Variants in NHSL1 observed in about 807,000 individuals in gnomAD.
NHSL1 encodes the protein NHS-like protein 1.
Under a neutral mutation model 95.0 loss-of-function variants are expected in NHSL1, and 48 were observed. The ratio of observed to expected loss-of-function variants is 0.51; its 90% CI spans 0.40 to 0.64. The LOEUF (loss-of-function observed/expected upper bound fraction) is 0.64. Among genes scored for constraint, NHSL1 ranks in the 30% least tolerant of loss-of-function variants. NHSL1 has a pLI of 0.00. For synonymous variants in NHSL1, 783 were observed against 833.9 expected, an observed-to-expected ratio of 0.94 and a Z score of 1.05; for missense variants, 1,971 against 2,077.7, an observed-to-expected ratio of 0.95 and a Z score of 1.00.
chr6:138,424,468 C>G lies in NHSL1; in HGVS notation c.4434G>C (p.Glu1478Asp). The change falls in exon 8 of 8, where the codon GAG becomes GAC. Residue 1478 changes from glutamate (E) to aspartate (D), a missense_variant. Glu to Asp is a conservative substitution (Grantham distance 45). Transcript: ENST00000343505. The surrounding 1 kb of genome is among the most constrained non-coding windows in gnomAD (Gnocchi z 5.9). Reference sequence around the variant, plus strand: ...GCATCAAGCCTTCGTTCTTGGCCCACTCCTCCTGCGCCCTTCTGTTCTTGC... The same window carrying G: ...GCATCAAGCCTTCGTTCTTGGCCCAGTCCTCCTGCGCCCTTCTGTTCTTGC... ...SPSKNRRAQE[E>D]WAKNEGLMPR... The G allele has an allele frequency of 6.4e-7, 1 of 1,551,348 alleles. No homozygotes were observed. Among genetic ancestry groups the G allele is most frequent in the South Asian group, 1.2e-5 (1 of 84,052 alleles).
intron 5 of NHSL1, among the ~76,000 whole-genome samples, chr6:138,440,083 T>A (rs1162898582): frequency 6.6e-6 from 1 of 152,150 alleles, no homozygotes; most frequent in East Asian, 1.9e-4. Context: ...TGTATGTGCA[T>A]CTTTACTTGG....
intron 1 of NHSL1, among the ~76,000 whole-genome samples, chr6:138,510,252 C>T (rs192804423): frequency 2.1e-4 from 32 of 152,256 alleles, no homozygotes; most frequent in African/African-American, 7.7e-4. Flanking sequence ...AAGATGAATG[C>T]TACAATTAAT....
intron 1 of NHSL1, among the ~76,000 whole-genome samples, chr6:138,530,770 G>C (rs1388313565): frequency 6.6e-6 from 1 of 152,096 alleles, no homozygotes; most frequent in Non-Finnish European, 1.5e-5. Context: ...AGGATGCAAA[G>C]GCATTAAAAT....
intron 1 of NHSL1, among the ~76,000 whole-genome samples, chr6:138,683,302 C>G (rs1301021639): frequency 6.6e-6 from 1 of 152,178 alleles, no homozygotes; most frequent in Non-Finnish European, 1.5e-5. Flanking sequence ...CTCATGTAGC[C>G]GTGGTCAGCT....
At chr6:138,672,030 A>G (rs1211732195) in intron 1 of NHSL1, among the ~76,000 whole-genome samples, 1 of 152,222 alleles carries the variant, frequency 6.6e-6, no homozygotes, top group Non-Finnish European at 1.5e-5. Flanking sequence ...AAAAAACCAC[A>G]AAAGAGCAAA....
At chr6:138,446,627 T>C (rs1776880936) in intron 4 of NHSL1, among the ~76,000 whole-genome samples, 2 of 152,176 alleles carry the variant, frequency 1.3e-5, no homozygotes, top group African/African-American at 2.4e-5. Flanking sequence ...TCTGTAAATA[T>C]TACTTAACCC....
At chr6:138,436,989 G>A (rs1776144030) in intron 5 of NHSL1, among the ~76,000 whole-genome samples, 1 of 152,026 alleles carries the variant, frequency 6.6e-6, no homozygotes, top group African/African-American at 2.4e-5. Flanking sequence ...AGTGCACCTA[G>A]GCCAGGGGGC....
At chr6:138,526,261 T>A (rs1209616279) in intron 1 of NHSL1, among the ~76,000 whole-genome samples, 2 of 152,086 alleles carry the variant, frequency 1.3e-5, no homozygotes, top group African/African-American at 2.4e-5. Flanking sequence ...GGTGGATGGA[T>A]CACTTGAGCT....
chr6:138,508,599 G>A (rs1371239267), intron 1 of NHSL1, among the ~76,000 whole-genome samples: 5 of 151,916 alleles, frequency 3.3e-5, no homozygotes, highest in Non-Finnish European at 7.4e-5. Flanking sequence ...CTTCAGTAAG[G>A]GCCAGTGAGG....
intron 1 of NHSL1, among the ~76,000 whole-genome samples, chr6:138,583,742 G>A (rs1432553076): frequency 6.6e-6 from 1 of 152,118 alleles, no homozygotes; most frequent in Non-Finnish European, 1.5e-5. Context: ...GACCTCCTTT[G>A]ATATTCCCCC....
intron 1 of NHSL1, among the ~76,000 whole-genome samples, chr6:138,646,987 T>C (rs576795564): frequency 1.1e-4 from 16 of 152,354 alleles, no homozygotes; most frequent in Non-Finnish European, 2.9e-5. Context: ...TTGTTCTTCA[T>C]GTGTCAAAAT....
intron 7 of NHSL1, among the ~76,000 whole-genome samples, chr6:138,429,111 T>C (rs1775454473): frequency 6.6e-6 from 1 of 152,202 alleles, no homozygotes; most frequent in Non-Finnish European, 1.5e-5. Context: ...TTTACCCTTT[T>C]TGTTTGTTTT....
intron 3 of NHSL1, among the ~76,000 whole-genome samples, chr6:138,455,600 G>C (rs1355849438): frequency 6.6e-6 from 1 of 151,522 alleles, no homozygotes; most frequent in East Asian, 1.9e-4. Context: ...ATGTGATCTT[G>C]AGAAAGCCAT....
At chr6:138,569,757 T>C (rs554084833) in intron 1 of NHSL1, among the ~76,000 whole-genome samples, 3 of 152,216 alleles carry the variant, frequency 2.0e-5, no homozygotes, top group Non-Finnish European at 4.4e-5. Context: ...GGAAGCCAAT[T>C]TTCTTTTGTA....
chr6:138,607,063 G>T (rs1299815562), intron 1 of NHSL1, among the ~76,000 whole-genome samples: 1 of 152,000 alleles, frequency 6.6e-6, no homozygotes, highest in Non-Finnish European at 1.5e-5. Flanking sequence ...GTGCCCCCAG[G>T]TGCTACCATC....
chr6:138,579,360 T>C (rs1015649461), intron 1 of NHSL1, among the ~76,000 whole-genome samples: 2 of 152,184 alleles, frequency 1.3e-5, no homozygotes, highest in Non-Finnish European at 2.9e-5. Flanking sequence ...CGTAAGGAGA[T>C]AATTAGGCCT....
intron 1 of NHSL1, among the ~76,000 whole-genome samples, chr6:138,619,818 T>TA (rs954225867): frequency 1.3e-5 from 2 of 151,838 alleles, no homozygotes; most frequent in African/African-American, 4.8e-5. Context: ...CGTGGGGGCA[T>TA]ATGCCTGTAG....
intron 5 of NHSL1, 33 bp from the exon 6 acceptor site, chr6:138,433,713 G>A (rs1230681607): frequency 6.8e-7 from 1 of 1,480,140 alleles, no homozygotes. Context: ...CTTGTTACCT[G>A]AAAATAAAAT....
At chr6:138,506,002 A>G (rs1780945113) in intron 1 of NHSL1, among the ~76,000 whole-genome samples, 1 of 152,194 alleles carries the variant, frequency 6.6e-6, no homozygotes, top group Non-Finnish European at 1.5e-5. Context: ...CGATTTTTAA[A>G]TCTATAGACA....
Sources: allele counts gnomAD v4.1 joint callset (sites outside exome capture counted in the v4.1 genomes callset), GRCh38; gene constraint gnomAD v4.1.1; non-coding constraint Gnocchi (gnomAD v3.1); transcripts MANE v1.5; gene names NCBI Gene and HGNC (gene_info 2026-07-23, HGNC 2026-07-21).